ACAN: variants seen among roughly 807,000 people sequenced by gnomAD.
ACAN encodes aggrecan, also known as aggrecan core protein.
Under a neutral mutation model 169.1 loss-of-function variants are expected in ACAN, and 47 were observed. That is an observed-to-expected ratio of 0.28 (90% CI 0.22 to 0.35). The LOEUF (loss-of-function observed/expected upper bound fraction) is 0.35. Among genes scored for constraint, ACAN ranks in the 10% least tolerant of loss-of-function variants. The probability of loss-of-function intolerance (pLI) is 1.00; values close to 1 mark genes in which losing one functional copy is unlikely to be tolerated. For missense variants in ACAN, 2,716 were observed against 2,759.9 expected, an observed-to-expected ratio of 0.98 and a Z score of 0.36; for synonymous variants, 1,115 against 1,112.2, an observed-to-expected ratio of 1.00 and a Z score of -0.05.
chr15:88,843,490 G>A lies in ACAN; in HGVS notation c.893G>A (p.Ser298Asn), dbSNP rs752944661. The change falls in exon 6 of 19, where the codon AGC (serine) becomes AAC (asparagine). Residue 298 changes from serine to asparagine, a missense_variant. Ser to Asn is a conservative substitution (Grantham distance 46, BLOSUM62 1). Coordinates refer to ENST00000560601, the MANE Select transcript of ACAN (RefSeq NM_001369268.1). The surrounding 1 kb of genome is among the most constrained non-coding windows in gnomAD (Gnocchi z 4.0). ...LAWQAGMDMC[S>N]AGWLADRSVR... is the part of the protein sequence containing the mutation. ...TGGCAGGCTGGCATGGACATGTGCA[G>A]CGCCGGCTGGCTGGCCGACCGCAGC... The A allele has an allele frequency of 5.0e-6, 8 of 1,611,946 alleles. No homozygotes were observed. The highest frequency in any genetic ancestry group is 3.4e-6 in the Non-Finnish European group (4 of 1,179,432).
chr15:88,845,430 C>T, intron 6 of ACAN, 75 bp from the exon 7 acceptor site: 1 of 1,523,318 alleles, frequency 6.6e-7, no homozygotes, highest in Non-Finnish European at 8.8e-7. Context: ...CCATGCTCAT[C>T]TCCAGCCCAC....
intron 1 of ACAN, among the ~76,000 whole-genome samples, chr15:88,818,903 G>A (rs1272015045): frequency 6.6e-6 from 1 of 152,154 alleles, no homozygotes; most frequent in Non-Finnish European, 1.5e-5. Context: ...AGATTAAGAT[G>A]ATAAATTTTA....
chr15:88,834,761 G>C (rs1241860721), intron 1 of ACAN, among the ~76,000 whole-genome samples: 1 of 152,132 alleles, frequency 6.6e-6, no homozygotes, highest in African/African-American at 2.4e-5. Flanking sequence ...GTCTGTAATG[G>C]GACTGCACGT....
rs776530208 is a variant in ACAN, at chr15:88,852,047, G to C, written c.2266+14G>C. 3.8e-6 allele frequency: 6 copies of C among 1,580,486 alleles called. No individual in the cohort carries two copies. The South Asian group carries it at 5.8e-5, about 15-fold the overall frequency. ...CCCCGCTGCCAGGTTGGTATGGCTT[G>C]GGTTCTGGGGCACACCCTGAAGCTG... On this transcript the variant is annotated intron_variant, in intron 11 of 18. Transcript: ENST00000560601.
In ACAN at chr15:88,818,093, C is replaced by G. The variant is rs1231260028; in HGVS notation, c.-8+14284C>G. On this transcript the variant is annotated intron_variant, in intron 1 of 18. Coordinates refer to ENST00000560601, the MANE Select transcript of ACAN (RefSeq NM_001369268.1). ...TGTTTCCAAGTAAGTAAACAGTTTT[C>G]CTTACTTGACTATTCTATGTGCCAG... is the stretch of plus-strand genomic sequence containing the variant. 2.0e-5 allele frequency among the ~76,000 whole-genome samples: 3 copies of G among 152,070 alleles called. No homozygotes were observed. In the East Asian group the frequency reaches 5.8e-4, roughly 29 times the overall value.
intron 1 of ACAN, among the ~76,000 whole-genome samples, chr15:88,816,248 C>T (rs572560677): frequency 2.6e-5 from 4 of 152,306 alleles, no homozygotes; most frequent in African/African-American, 9.6e-5. Context: ...CAGGCTTAGA[C>T]ATAAGGTATC....
At chr15:88,853,859 T>TC (rs397774203) in intron 11 of ACAN, among the ~76,000 whole-genome samples, 4 of 151,690 alleles carry the variant, frequency 2.6e-5, no homozygotes, top group Admixed American at 1.3e-4. Flanking sequence ...TTTTTTTTTT[T>TC]CATGGCACCA....
Position 88,871,086 on chromosome 15 carries a change from C to T in ACAN, c.7061-296C>T, listed in dbSNP as rs113676918. On this transcript the variant is annotated intron_variant, in intron 14 of 18. Coordinates refer to ENST00000560601, the MANE Select transcript of ACAN (RefSeq NM_001369268.1). This position sits in a 1 kb window ranked among gnomAD's most constrained non-coding sequence, Gnocchi z 7.8. The stretch of plus-strand genomic sequence containing the variant: ...TTTGAACTGGACTGCTGACCTCTGC[C>T]GGCCCAGCAGAGCAGGCATCAAGAG... 1.3e-5 allele frequency among the ~76,000 whole-genome samples: 2 copies of T among 152,166 alleles called. No homozygotes were observed. The highest frequency in any genetic ancestry group is 4.8e-5 in the African/African-American group (2 of 41,424).
intron 13 of ACAN, 126 bp downstream of exon 13, chr15:88,860,565 G>A: frequency 1.4e-6 from 1 of 697,380 alleles, no homozygotes; most frequent in South Asian, 1.8e-5. Flanking sequence ...GGAAGGAGCT[G>A]CATGATGACA....
At position 88,859,411 on chromosome 15, in the gene ACAN, G is replaced by A. The variant is rs1361652325; in HGVS notation, c.6826G>A (p.Ala2276Thr). Residue 2276 changes from alanine to threonine, a missense_variant, in exon 12 of 19, where the codon GCT (alanine) becomes ACT (threonine). By Grantham distance (58) the Ala-to-Thr change is moderately conservative. Coordinates refer to ENST00000560601, the MANE Select transcript of ACAN (RefSeq NM_001369268.1). ...ATGGAAACGTGAATCAGAATCAACT[G>A]CTGCAGGTATTGTGATTTTTTCCCC... Reference protein sequence around the residue: ...PEWKRESESTAAAPARSCAEE... With the variant: ...PEWKRESESTTAAPARSCAEE... 11 of 1,554,904 alleles carry A rather than the reference G, an allele frequency of 7.1e-6. No individual in the cohort carries two copies. Among genetic ancestry groups the A allele is most frequent in the Admixed American group, 2.0e-5 (1 of 51,148 alleles).
In ACAN at chr15:88,873,099, G is replaced by A. The variant is rs1191496366; in HGVS notation, c.7447+74G>A. On this transcript the variant is annotated intron_variant, in intron 17 of 18. Transcript: ENST00000560601. This position sits in a 1 kb window ranked among gnomAD's most constrained non-coding sequence, Gnocchi z 7.5. ...CAGCTACAGGTGAGGCTCTTGCTGTGTGGCCTGGGGTGAGTCCCTTGTCTT... is the reference window on the plus strand; with the variant it reads ...CAGCTACAGGTGAGGCTCTTGCTGTATGGCCTGGGGTGAGTCCCTTGTCTT... 2 of 1,523,456 alleles carry A rather than the reference G, an allele frequency of 1.3e-6. No individual in the cohort carries two copies. Among genetic ancestry groups the A allele is most frequent in the Admixed American group, 2.0e-5 (1 of 50,384 alleles). The allele number at this position is 1,523,456 out of a possible 1,614,324, so 94.4% of individuals were successfully genotyped here.
rs1414392408 is a variant in ACAN at position 88,838,957 on chromosome 15, G to A, written c.365G>A (p.Ser122Asn). The A allele has an allele frequency of 6.2e-7, 1 of 1,613,740 alleles. No individual in the cohort carries two copies. The highest frequency in any genetic ancestry group is 8.5e-7 in the Non-Finnish European group (1 of 1,179,904). Residue 122 changes from serine to asparagine, a missense_variant, in exon 3 of 19, where the codon AGC becomes AAC. Physicochemically the swap from Ser to Asn is conservative, Grantham distance 46. This residue lies in a region of ACAN where 1,283 missense variants were observed against 1,281.5 expected (regional missense o/e 1.00). Transcript: ENST00000560601. The surrounding 1 kb of genome is among the most constrained non-coding windows in gnomAD (Gnocchi z 5.1). ...AGTGACGCCACCTTGGAAGTCCAGA[G>A]CCTGCGCTCCAATGACTCTGGGGTC... is the stretch of plus-strand genomic sequence containing the variant. The part of the protein sequence containing the change: ...IPSDATLEVQ[S>N]LRSNDSGVYR...
At chr15:88,811,763 G>A (rs1173817234) in intron 1 of ACAN, among the ~76,000 whole-genome samples, 1 of 152,180 alleles carries the variant, frequency 6.6e-6, no homozygotes, top group Non-Finnish European at 1.5e-5. Context: ...ACTTGGACTA[G>A]CACCAATGGG....
chr15:88,805,441 A>G (rs1328006072), intron 1 of ACAN, among the ~76,000 whole-genome samples: 3 of 152,252 alleles, frequency 2.0e-5, no homozygotes. Context: ...AATTGTCCAA[A>G]GGAAGAAGAT....
intron 1 of ACAN, among the ~76,000 whole-genome samples, chr15:88,824,998 A>G (rs923280688): frequency 1.3e-5 from 2 of 152,178 alleles, no homozygotes; most frequent in Non-Finnish European, 2.9e-5. Context: ...TAGAATGACA[A>G]TGGCCAGCGA....
At position 88,857,631 on chromosome 15, in the gene ACAN, A is replaced by G. The variant is rs1431737511; in HGVS notation, c.5046A>G (p.Gly1682=). 1.2e-6 allele frequency: 2 copies of G among 1,613,988 alleles called. No individual in the cohort carries two copies. Among genetic ancestry groups the G allele is most frequent in the East Asian group, 4.5e-5 (2 of 44,882 alleles). The part of the protein sequence containing the change: ...ASTASELEGR[G]TIGISGAGEI... ...CTGCAAGTGAACTGGAAGGGAGGGG[A>G]ACCATTGGCATCAGTGGTGCAGGAG... Residue 1682 remains glycine (G), a synonymous_variant, in exon 12 of 19, where the codon GGA becomes GGG. Coordinates refer to ENST00000560601, the MANE Select transcript of ACAN (RefSeq NM_001369268.1).
chr15:88,823,563 T>A (rs571882718), intron 1 of ACAN, among the ~76,000 whole-genome samples: 1 of 152,224 alleles, frequency 6.6e-6, no homozygotes, highest in South Asian at 2.1e-4. Flanking sequence ...GGGGTAAGAA[T>A]CGTGGGAAAA....
Position 88,805,690 on chromosome 15 carries a change from T to C in ACAN, c.-8+1881T>C, listed in dbSNP as rs1895661284. 4.6e-5 allele frequency among the ~76,000 whole-genome samples: 7 copies of C among 152,264 alleles called. No homozygotes were observed. The South Asian group carries it at 1.4e-3, about 31-fold the overall frequency. ...AGCGTAGTGCCTGGCACTGGGCAAG[T>C]ACTCAGTAACTGTTTCATATTATTA... is the stretch of plus-strand genomic sequence containing the variant. On this transcript the variant is annotated intron_variant, in intron 1 of 18. Transcript: ENST00000560601.
rs1567180868 is a variant in ACAN, at chr15:88,849,132, A to G, written c.1733-306A>G. Among the ~76,000 whole-genome samples the G allele has an allele frequency of 6.6e-6, 1 of 152,220 alleles. No individual in the cohort carries two copies. Among genetic ancestry groups the G allele is most frequent in the Non-Finnish European group, 1.5e-5 (1 of 68,038 alleles). Reference sequence around the variant, plus strand: ...GCCTAAGTGTGAGTGGAGAATCCAGAAAAGAGGGACGGAGGAGAAGTTGTT... The same window carrying G: ...GCCTAAGTGTGAGTGGAGAATCCAGGAAAGAGGGACGGAGGAGAAGTTGTT... On this transcript the variant is annotated intron_variant, in intron 9 of 18. Coordinates refer to ENST00000560601, the MANE Select transcript of ACAN (RefSeq NM_001369268.1). The surrounding 1 kb of genome is among the most constrained non-coding windows in gnomAD (Gnocchi z 5.1).
Sources: allele counts gnomAD v4.1 joint callset (sites outside exome capture counted in the v4.1 genomes callset), GRCh38; gene constraint gnomAD v4.1.1; regional missense constraint gnomAD v4.1.1; non-coding constraint Gnocchi (gnomAD v3.1); transcripts MANE v1.5; gene names NCBI Gene and HGNC (gene_info 2026-07-23, HGNC 2026-07-21).